The following PLCG2 variants were observed in gnomAD, a reference collection of about 807,000 sequenced individuals.
The protein encoded by PLCG2 is 1-phosphatidylinositol 4,5-bisphosphate phosphodiesterase gamma-2.
A neutral mutation model predicts 175.6 loss-of-function variants in PLCG2; 69 were observed. That is an observed-to-expected ratio of 0.39 (90% confidence interval 0.32 to 0.48). PLCG2 has a LOEUF of 0.48. Among genes scored for constraint, PLCG2 ranks in the 20% least tolerant of loss-of-function variants. PLCG2 has a pLI of 0.91. For missense variants in PLCG2, 1,798 were observed against 1,650.9 expected, an observed-to-expected ratio of 1.09 and a Z score of -1.54; for synonymous variants, 827 against 624.0, an observed-to-expected ratio of 1.33 and a Z score of -4.85.
At chr16:81,937,280 A>C (rs976579390) in intron 27 of PLCG2, 1 of 152,404 alleles carries the variant, frequency 6.6e-6, no homozygotes, top group African/African-American at 2.4e-5. Flanking sequence ...AAACTGATAC[A>C]TCGTCGTCCA....
chr16:81,841,390 A>G (rs1294854635), intron 2 of PLCG2, among the ~76,000 whole-genome samples: 1 of 151,940 alleles, frequency 6.6e-6, no homozygotes, highest in Admixed American at 6.6e-5. Flanking sequence ...CCAGGCGCTT[A>G]CTACCATGCC....
At chr16:81,881,265 A>T (rs748639645) in intron 8 of PLCG2, among the ~76,000 whole-genome samples, 1 of 152,246 alleles carries the variant, frequency 6.6e-6, no homozygotes, top group African/African-American at 2.4e-5. Context: ...TTTAATTACA[A>T]AAACTAATGT....
chr16:81,839,008 A>T (rs1477691234), intron 2 of PLCG2, among the ~76,000 whole-genome samples: 1 of 152,006 alleles, frequency 6.6e-6, no homozygotes, highest in African/African-American at 2.4e-5. Flanking sequence ...ATTTCCCTTT[A>T]TGACTCACAG....
At chr16:81,925,186 G>C (rs1432921388) in intron 22 of PLCG2, among the ~76,000 whole-genome samples, 1 of 152,198 alleles carries the variant, frequency 6.6e-6, no homozygotes, top group Non-Finnish European at 1.5e-5. Flanking sequence ...CTTTGGCAAG[G>C]GACTGTGGGC....
intron 2 of PLCG2, among the ~76,000 whole-genome samples, chr16:81,790,492 C>T (rs1387374832): frequency 6.6e-6 from 1 of 152,188 alleles, no homozygotes; most frequent in East Asian, 1.9e-4. Context: ...TGTCACCGCT[C>T]AGTCTCCTGC....
chr16:81,846,235 G>GA (rs11401096), intron 2 of PLCG2, among the ~76,000 whole-genome samples: 117,471 of 152,002 alleles, frequency 0.77, 46,428 homozygotes, highest in Non-Finnish European at 0.86. Flanking sequence ...GGGAGGACAA[G>GA]AGGACTGGCC....
At chr16:81,763,649 C>T (rs932846424) in intron 2 of PLCG2, among the ~76,000 whole-genome samples, 1 of 152,204 alleles carries the variant, frequency 6.6e-6, no homozygotes, top group Non-Finnish European at 1.5e-5. Flanking sequence ...CCTTTTACTA[C>T]ATTCTATTGA....
At chr16:81,886,009 A>G (rs1222019783) in intron 9 of PLCG2, among the ~76,000 whole-genome samples, 1 of 152,234 alleles carries the variant, frequency 6.6e-6, no homozygotes, top group Non-Finnish European at 1.5e-5. Flanking sequence ...AGCTGGTGCT[A>G]GAGTGAGGTA....
intron 2 of PLCG2, among the ~76,000 whole-genome samples, chr16:81,827,114 A>G (rs1905078902): frequency 1.3e-5 from 2 of 151,984 alleles, no homozygotes. Context: ...CGCTGAAATA[A>G]GACTCAGGGG....
At position 81,919,639 on chromosome 16, in the gene PLCG2, C is replaced by G; in HGVS notation, c.2210C>G (p.Pro737Arg). Residue 737 changes from proline to arginine, a missense_variant, in exon 20 of 33, where the codon CCC becomes CGC. By Grantham distance (103) the Pro-to-Arg change is moderately radical. Coordinates refer to ENST00000564138, the MANE Select transcript of PLCG2 (RefSeq NM_002661.5). ...ATGAGACTGCGCTACCCCGTGACCCCCGAGCTCCTGGAGCGCTACAATATG... is the reference window on the plus strand; with the variant it reads ...ATGAGACTGCGCTACCCCGTGACCCGCGAGCTCCTGGAGCGCTACAATATG... ...RKMRLRYPVT[P>R]ELLERYNMER... 6.2e-7 allele frequency: 1 copy of G among 1,614,036 alleles called. No individual in the cohort carries two copies. The highest frequency in any genetic ancestry group is 8.5e-7 in the Non-Finnish European group (1 of 1,179,930).
chr16:81,929,949 C>G (rs1910432909), intron 24 of PLCG2, among the ~76,000 whole-genome samples: 1 of 152,166 alleles, frequency 6.6e-6, no homozygotes, highest in Non-Finnish European at 1.5e-5. Context: ...GAGTAGAAAT[C>G]TTGGAGTCAG....
At chr16:81,820,954 A>C (rs952019392) in intron 2 of PLCG2, among the ~76,000 whole-genome samples, 2 of 145,338 alleles carry the variant, frequency 1.4e-5, no homozygotes, top group African/African-American at 5.2e-5. Context: ...TGGGGGCCTC[A>C]TCATGTTGGC....
chr16:81,804,570 G>T (rs1194809066), intron 2 of PLCG2, among the ~76,000 whole-genome samples: 3 of 152,222 alleles, frequency 2.0e-5, no homozygotes, highest in Non-Finnish European at 4.4e-5. Flanking sequence ...TGGCACAAAA[G>T]GACCATTTTT....
At chr16:81,796,656 C>T (rs1478303668) in intron 2 of PLCG2, among the ~76,000 whole-genome samples, 2 of 152,120 alleles carry the variant, frequency 1.3e-5, no homozygotes, top group Non-Finnish European at 2.9e-5. Flanking sequence ...ATAGAGTGGG[C>T]CCTAATCCAA....
intron 6 of PLCG2, among the ~76,000 whole-genome samples, chr16:81,870,122 T>C (rs780635711): frequency 1.3e-5 from 2 of 152,194 alleles, no homozygotes; most frequent in East Asian, 1.9e-4. Flanking sequence ...AATCCAATAA[T>C]AGAAAAAGAG....
intron 7 of PLCG2, among the ~76,000 whole-genome samples, chr16:81,879,918 C>T (rs572685815): frequency 4.0e-4 from 61 of 152,284 alleles, no homozygotes; most frequent in South Asian, 3.5e-3. Flanking sequence ...ATATTTCTTT[C>T]GTCTTCTTGC....
At chr16:81,938,280 T>A (rs956965897) in intron 28 of PLCG2, among the ~76,000 whole-genome samples, 18 of 152,212 alleles carry the variant, frequency 1.2e-4, no homozygotes, top group African/African-American at 4.1e-4. Flanking sequence ...CAGGGCTTTT[T>A]AAAATTCATC....
chr16:81,774,869 C>T (rs559574894), upstream of PLCG2, among the ~76,000 whole-genome samples: 3 of 151,976 alleles, frequency 2.0e-5, no homozygotes, highest in East Asian at 3.9e-4. Flanking sequence ...CTCAGCTTCC[C>T]GAGTAGCTGT....
chr16:81,774,011 C>G (rs1011329500), intron 2 of PLCG2, among the ~76,000 whole-genome samples: 1 of 151,728 alleles, frequency 6.6e-6, no homozygotes, highest in Non-Finnish European at 1.5e-5. Context: ...ATGAGCTCCA[C>G]CAGGACTCCA....
Sources: allele counts gnomAD v4.1 joint callset (sites outside exome capture counted in the v4.1 genomes callset), GRCh38; gene constraint gnomAD v4.1.1; transcripts MANE v1.5; gene names NCBI Gene and HGNC (gene_info 2026-07-23, HGNC 2026-07-21).